Variants in COL4A1 observed in about 807,000 individuals in gnomAD.
COL4A1 encodes collagen type IV alpha 1 chain, also known as collagen alpha-1(IV) chain.
A neutral mutation model predicts 216.6 loss-of-function variants in COL4A1; 40 were observed. The observed-to-expected ratio is 0.18, with a 90% confidence interval of 0.14 to 0.24. The LOEUF is 0.24. Ranked by LOEUF, COL4A1 falls within the 10% of genes least tolerant of loss-of-function variation. The probability of loss-of-function intolerance (pLI) is 1.00; values close to 1 mark genes in which losing one functional copy is unlikely to be tolerated. For missense variants in COL4A1, 1,628 were observed against 2,196.8 expected (o/e 0.74, Z 5.18); for synonymous variants, 839 against 810.7 (o/e 1.03, Z -0.59).
At chr13:110,185,067 C>G (rs982568145) in intron 26 of COL4A1, among the ~76,000 whole-genome samples, 2 of 152,220 alleles carry the variant, frequency 1.3e-5, no homozygotes, top group African/African-American at 4.8e-5. Context: ...AGCACACTTG[C>G]GAGCCAGAAC....
intron 28 of COL4A1, among the ~76,000 whole-genome samples, 186 bp from the exon 29 acceptor site, chr13:110,181,575 G>T (rs533035792): frequency 1.2e-4 from 19 of 152,260 alleles, no homozygotes; most frequent in Middle Eastern, 3.4e-3. Context: ...GGTCAGGTGC[G>T]TTGCTGTCTC....
intron 51 of COL4A1, among the ~76,000 whole-genome samples, chr13:110,151,663 G>C (rs531520178): frequency 6.6e-6 from 1 of 152,326 alleles, no homozygotes; most frequent in South Asian, 2.1e-4. Context: ...AAGCAGCTGT[G>C]CCAGCTCCGT....
chr13:110,152,520 G>A lies in COL4A1; in HGVS notation c.4756-14C>T, dbSNP rs375486886. 219 of 1,604,932 alleles carry A rather than the reference G, an allele frequency of 1.4e-4. 1 individual carries two copies. Among genetic ancestry groups the A allele is most frequent in the South Asian group, 8.1e-4 (73 of 90,538 alleles). On this transcript the variant is annotated splice_polypyrimidine_tract_variant and intron_variant, in intron 50 of 51. Transcript: ENST00000375820. ...AGCGCTGGTGTGCTGCAGAACAGAT[G>A]CGAGCCGTGAGTCAGAGGTTCCCTC...
At chr13:110,274,598 C>A (rs747037924) in intron 1 of COL4A1, among the ~76,000 whole-genome samples, 8 of 152,094 alleles carry the variant, frequency 5.3e-5, no homozygotes, top group Non-Finnish European at 8.8e-5. Flanking sequence ...TGAAAGGATG[C>A]GGCAGGCACA....
At chr13:110,244,994 G>C (rs1446463531) in intron 1 of COL4A1, among the ~76,000 whole-genome samples, 1 of 152,092 alleles carries the variant, frequency 6.6e-6, no homozygotes, top group Non-Finnish European at 1.5e-5. Flanking sequence ...GCTGTTACTG[G>C]TGTTACCCAT....
At chr13:110,209,885 T>C in intron 10 of COL4A1, 95 bp downstream of exon 10, 1 of 1,432,880 alleles carries the variant, frequency 7.0e-7, no homozygotes, top group Non-Finnish European at 9.8e-7. Flanking sequence ...CGACCACAAC[T>C]GTGTAAAGTT....
At chr13:110,189,823 GTC>G (rs1237470930) in intron 24 of COL4A1, among the ~76,000 whole-genome samples, 2 of 152,178 alleles carry the variant, frequency 1.3e-5, no homozygotes, top group African/African-American at 4.8e-5. Context: ...CATTAGGACA[GTC>G]TATTTGCAGA....
chr13:110,223,454 A>G (rs1050653451), intron 2 of COL4A1, among the ~76,000 whole-genome samples: 1 of 152,254 alleles, frequency 6.6e-6, no homozygotes, highest in Admixed American at 6.5e-5. Context: ...TTAACCTATC[A>G]GCATGAACAC....
chr13:110,197,939 T>C (rs1201992820), intron 21 of COL4A1, among the ~76,000 whole-genome samples: 8 of 152,216 alleles, frequency 5.3e-5, no homozygotes, highest in Non-Finnish European at 1.2e-4. Flanking sequence ...GCTTTGGTAT[T>C]GTATTGGGAC....
chr13:110,289,392 C>T (rs1368482137), intron 1 of COL4A1, among the ~76,000 whole-genome samples: 1 of 152,162 alleles, frequency 6.6e-6, no homozygotes, highest in African/African-American at 2.4e-5. Flanking sequence ...CATCACCTTG[C>T]AATCAACTCG....
Position 110,183,066 on chromosome 13 carries a change from C to A in COL4A1, c.2022G>T (p.Arg674Ser), listed in dbSNP as rs755517991. The A allele has an allele frequency of 3.7e-6, 6 of 1,613,178 alleles. No individual in the cohort carries two copies. Among genetic ancestry groups the A allele is most frequent in the South Asian group, 2.2e-5 (2 of 90,910 alleles). The change falls in exon 28 of 52, where the codon AGG becomes AGT. Residue 674 changes from arginine to serine, a missense_variant. By Grantham distance (110) the Arg-to-Ser change is moderately radical. Around this residue, in one of 8 missense-constraint regions of COL4A1, gnomAD observed 701 missense variants for 892.5 expected, o/e 0.79. Transcript: ENST00000375820. ...CGCCCTTCTCTCCTGGCAGGCCTGG[C>A]CTTCCTGGGGTTCCGGGAAAGCCTC... ...GDRGFPGTPG[R>S]PGLPGEKGAV... is the part of the protein sequence containing the mutation.
chr13:110,182,223 C>T (rs535800484), intron 28 of COL4A1, among the ~76,000 whole-genome samples: 3 of 152,276 alleles, frequency 2.0e-5, no homozygotes, highest in South Asian at 4.2e-4. Flanking sequence ...GTGGGCGTTG[C>T]GTGGCTGTCA....
At chr13:110,169,929 G>GAGGGAGGGAGGAAGGGAGGA (rs150774157) in intron 42 of COL4A1, among the ~76,000 whole-genome samples, 167 bp from the exon 43 acceptor site, 48,091 of 139,946 alleles carry the variant, frequency 0.34, 9,704 homozygotes, top group Middle Eastern at 0.47. Flanking sequence ...AGGAAGGAAG[G>GAGGGAGGGAGGAAGGGAGGA]AGGGAGGGAG....
intron 43 of COL4A1, 118 bp from the exon 44 acceptor site, chr13:110,167,348 A>C (rs2139152056): frequency 1.2e-6 from 1 of 807,690 alleles, no homozygotes. Context: ...CACATTTGTG[A>C]ACAAATGGTG....
chr13:110,194,776 G>A (rs778823537), intron 22 of COL4A1, among the ~76,000 whole-genome samples: 2 of 152,082 alleles, frequency 1.3e-5, no homozygotes, highest in Admixed American at 6.5e-5. Context: ...CTGACTTCAC[G>A]GTCCTCGGAA....
rs1176475852 is a variant in COL4A1 at position 110,198,556 on chromosome 13, G to A, written c.1196C>T (p.Pro399Leu). Residue 399 changes from proline to leucine, a missense_variant, in exon 21 of 52, where the codon CCT becomes CTT. Physicochemically the swap from Pro to Leu is moderately conservative, Grantham distance 98. This residue lies in a region of COL4A1 where 701 missense variants were observed against 892.5 expected (regional missense o/e 0.79). Coordinates refer to ENST00000375820, the MANE Select transcript of COL4A1 (RefSeq NM_001845.6). The part of the protein sequence containing the change: ...ERGEKGDRGF[P>L]GTSLPGPSGR... ...ACTTGGTCCTGGCAGAGATGTACCA[G>A]GAAATCCTCGGTCACCTTTTTCTCC... The A allele has an allele frequency of 6.2e-7, 1 of 1,614,108 alleles. No homozygotes were observed. The highest frequency in any genetic ancestry group is 8.5e-7 in the Non-Finnish European group (1 of 1,180,030).
rs140949690 is a variant in COL4A1 at position 110,176,381 on chromosome 13, A to G, written c.3058+43T>C. 1.1e-3 allele frequency: 1,410 copies of G among 1,303,174 alleles called. 1 individual carries two copies. The highest frequency in any genetic ancestry group is 1.6e-3 in the East Asian group (70 of 43,464). The allele number at this position is 1,303,174 out of a possible 1,614,324, so 80.7% of individuals were successfully genotyped here. On this transcript the variant is annotated intron_variant, in intron 36 of 51. Coordinates refer to ENST00000375820, the MANE Select transcript of COL4A1 (RefSeq NM_001845.6). The stretch of plus-strand genomic sequence containing the variant: ...TCTGCAGACATGCCCTACCAGTATC[A>G]CACGCACACATGCTAAAGAATCCTC...
chr13:110,269,209 C>A (rs560693905), intron 1 of COL4A1, among the ~76,000 whole-genome samples: 1 of 152,262 alleles, frequency 6.6e-6, no homozygotes, highest in East Asian at 1.9e-4. Context: ...TTTCCTGATG[C>A]CAGTAAAATA....
In COL4A1 at chr13:110,160,898, G is replaced by A. The variant is rs72652097; in HGVS notation, c.4640+294C>T. On this transcript the variant is annotated intron_variant, in intron 49 of 51. Coordinates refer to ENST00000375820, the MANE Select transcript of COL4A1 (RefSeq NM_001845.6). ...TAACTTTTGTATTTTTTGTGGAGAT[G>A]AAGTCTCGTCATCTTGCCCAGGCTG... is the stretch of plus-strand genomic sequence containing the variant. 64,644 of 404,258 alleles carry A rather than the reference G, an allele frequency of 0.16. 5,696 individuals carry two copies. Among genetic ancestry groups the A allele is most frequent in the East Asian group, 0.31 (5,524 of 17,820 alleles). 25.0% of individuals were successfully genotyped at this position (404,258 alleles called of 1,614,324 possible).
Sources: gnomAD v4.1 joint callset for allele counts (sites outside exome capture counted in the v4.1 genomes callset) on GRCh38, gnomAD v4.1.1 for gene constraint, gnomAD v4.1.1 regional missense constraint, MANE v1.5 for transcripts, NCBI Gene and HGNC (gene_info 2026-07-23, HGNC 2026-07-21) for gene names.